The following GBE1 variants were observed in gnomAD, a reference collection of about 807,000 sequenced individuals.
GBE1 encodes the protein 1,4-alpha-glucan-branching enzyme.
Under a neutral mutation model 88.8 loss-of-function variants are expected in GBE1, and 70 were observed. The ratio of observed to expected loss-of-function variants is 0.79; its 90% CI spans 0.65 to 0.96. The LOEUF is 0.96. Among genes scored for constraint, GBE1 ranks in the 40% least tolerant of loss-of-function variants. GBE1 has a pLI of 0.00. For synonymous variants in GBE1, 284 were observed against 300.1 expected (o/e 0.95, Z 0.56); for missense variants, 872 against 871.0 (o/e 1.00, Z -0.01).
At chr3:81,677,788 G>A (rs1705282211) in intron 2 of GBE1, among the ~76,000 whole-genome samples, 1 of 152,056 alleles carries the variant, frequency 6.6e-6, no homozygotes, top group African/African-American at 2.4e-5. Flanking sequence ...ACCCTGGGAA[G>A]GACCTTAGTA....
At chr3:81,731,850 T>A (rs1469689876) in intron 1 of GBE1, among the ~76,000 whole-genome samples, 1 of 152,136 alleles carries the variant, frequency 6.6e-6, no homozygotes. Context: ...CAATTAAACT[T>A]CTTTTATTTA....
At chr3:81,712,469 T>TA (rs910323566) in intron 1 of GBE1, among the ~76,000 whole-genome samples, 3 of 151,966 alleles carry the variant, frequency 2.0e-5, no homozygotes, top group African/African-American at 7.3e-5. Context: ...TATACAGCCA[T>TA]AAAAAAGGAT....
intron 1 of GBE1, among the ~76,000 whole-genome samples, chr3:81,756,611 TCCAAGGTGG>T (rs1210162791): frequency 6.6e-6 from 1 of 152,098 alleles, no homozygotes; most frequent in African/African-American, 2.4e-5. Context: ...AGGATAGTGG[TCCAAGGTGG>T]CAGAAAAGAA....
chr3:81,543,870 A>G (rs1703171740), intron 12 of GBE1, among the ~76,000 whole-genome samples: 1 of 152,194 alleles, frequency 6.6e-6, no homozygotes, highest in Non-Finnish European at 1.5e-5. Flanking sequence ...AGCAATATGT[A>G]TATTCCTAAA....
chr3:81,527,044 A>G (rs1470565211), intron 14 of GBE1, among the ~76,000 whole-genome samples: 2 of 152,110 alleles, frequency 1.3e-5, no homozygotes, highest in Non-Finnish European at 2.9e-5. Flanking sequence ...GGAACAGAAC[A>G]GAGCCCTCAG....
intron 7 of GBE1, among the ~76,000 whole-genome samples, chr3:81,605,060 G>T (rs1221807333): frequency 6.6e-6 from 1 of 151,810 alleles, no homozygotes; most frequent in Non-Finnish European, 1.5e-5. Flanking sequence ...GTGAATGTAT[G>T]GCCTACATTG....
At chr3:81,757,751 G>T (rs927924191) in intron 1 of GBE1, among the ~76,000 whole-genome samples, 5 of 152,182 alleles carry the variant, frequency 3.3e-5, no homozygotes, top group Admixed American at 6.5e-5. Flanking sequence ...TACATGTTGA[G>T]ATTTGTATTT....
intron 5 of GBE1, among the ~76,000 whole-genome samples, chr3:81,646,988 G>T (rs1206216040): frequency 3.0e-5 from 4 of 132,180 alleles, no homozygotes; most frequent in African/African-American, 5.9e-5. Flanking sequence ...ATGGAGTCTC[G>T]CTCTGTTGCC....
At chr3:81,718,887 G>A (rs966468225) in intron 1 of GBE1, among the ~76,000 whole-genome samples, 1 of 151,684 alleles carries the variant, frequency 6.6e-6, no homozygotes, top group South Asian at 2.1e-4. Flanking sequence ...CGCCCACCTC[G>A]ACCTCCCAAA....
At chr3:81,583,549 G>A (rs1044508209) in intron 10 of GBE1, among the ~76,000 whole-genome samples, 2 of 152,074 alleles carry the variant, frequency 1.3e-5, no homozygotes, top group African/African-American at 4.8e-5. Context: ...TGAATGCGCT[G>A]TTGATATATG....
chr3:81,641,404 C>T (rs1333369692), intron 7 of GBE1, among the ~76,000 whole-genome samples: 1 of 152,070 alleles, frequency 6.6e-6, no homozygotes, highest in Non-Finnish European at 1.5e-5. Flanking sequence ...TTGCACCAAC[C>T]TAATATATCA....
chr3:81,543,124 T>C (rs566263953), intron 12 of GBE1, among the ~76,000 whole-genome samples: 64 of 152,186 alleles, frequency 4.2e-4, no homozygotes, highest in Non-Finnish European at 7.4e-4. Flanking sequence ...AGTTAGAAAA[T>C]AGAACTTTAA....
rs755354254 is a variant in GBE1 at position 81,591,175 on chromosome 3, GAA to G, written c.1109-13_1109-12del. ...CTGAGAAACCTTGACCTTAGAAAAAGAAAATCAATACGGATATATTATGTTAA... is the reference window on the plus strand; with the variant it reads ...CTGAGAAACCTTGACCTTAGAAAAAGAATCAATACGGATATATTATGTTAA... On this transcript the variant is annotated splice_polypyrimidine_tract_variant and intron_variant, in intron 8 of 15. Transcript: ENST00000429644. The G allele has an allele frequency of 2.1e-5, 34 of 1,583,636 alleles. No homozygotes were observed. The East Asian group carries it at 7.0e-4, about 33-fold the overall frequency.
At chr3:81,628,977 T>C (rs1329274120) in intron 7 of GBE1, among the ~76,000 whole-genome samples, 1 of 149,582 alleles carries the variant, frequency 6.7e-6, no homozygotes, top group Non-Finnish European at 1.5e-5. Context: ...TATAAAACAA[T>C]TCTTGGCAAC....
chr3:81,604,135 C>T (rs577065584), intron 7 of GBE1, among the ~76,000 whole-genome samples: 18 of 152,232 alleles, frequency 1.2e-4, no homozygotes, highest in African/African-American at 3.6e-4. Flanking sequence ...GTTTTCCCAA[C>T]ATAATCATAA....
chr3:81,665,017 T>A (rs1368726689), intron 3 of GBE1, among the ~76,000 whole-genome samples: 1 of 152,228 alleles, frequency 6.6e-6, no homozygotes, highest in African/African-American at 2.4e-5. Flanking sequence ...TAATGCCTAT[T>A]CTGAGAGAAT....
chr3:81,578,839 G>A (rs932102370), intron 11 of GBE1, among the ~76,000 whole-genome samples: 2 of 151,970 alleles, frequency 1.3e-5, no homozygotes, highest in African/African-American at 2.4e-5. Flanking sequence ...ATGTAAAATA[G>A]AAATTAATCC....
chr3:81,523,977 T>A (rs1195586031), intron 14 of GBE1, among the ~76,000 whole-genome samples: 1 of 151,796 alleles, frequency 6.6e-6, no homozygotes, highest in Non-Finnish European at 1.5e-5. Flanking sequence ...AAATATCTGC[T>A]CCATATACTG....
At chr3:81,656,181 A>G (rs1255713404) in intron 3 of GBE1, among the ~76,000 whole-genome samples, 4 of 152,182 alleles carry the variant, frequency 2.6e-5, no homozygotes, top group African/African-American at 4.8e-5. Flanking sequence ...TCTGTGAATG[A>G]TACCTTCTGT....
Sources: gnomAD v4.1 joint callset for allele counts (sites outside exome capture counted in the v4.1 genomes callset) on GRCh38, gnomAD v4.1.1 for gene constraint, MANE v1.5 for transcripts, NCBI Gene and HGNC (gene_info 2026-07-23, HGNC 2026-07-21) for gene names.